UGT2B4: variants seen among roughly 807,000 people sequenced by gnomAD.
UGT2B4 encodes UDP glucuronosyltransferase family 2 member B4.
In UGT2B4, 49 loss-of-function variants were observed where a neutral mutation model predicts 49.8. That is an observed-to-expected ratio of 0.98 (90% CI 0.78 to 1.25). UGT2B4 has a LOEUF of 1.25. UGT2B4 is among the 50% of genes most tolerant of loss of function. The probability of loss-of-function intolerance (pLI) is 0.00; values close to 1 mark genes in which losing one functional copy is unlikely to be tolerated. For synonymous variants in UGT2B4, 246 were observed against 217.7 expected, an observed-to-expected ratio of 1.13 and a Z score of -1.14; for missense variants, 729 against 627.7, an observed-to-expected ratio of 1.16 and a Z score of -1.73.
At chr4:69,523,838 T>G (rs1364714389) in intron 1 of UGT2B4, among the ~76,000 whole-genome samples, 1 of 152,182 alleles carries the variant, frequency 6.6e-6, no homozygotes, top group Non-Finnish European at 1.5e-5. Flanking sequence ...TCTTCACCAA[T>G]TATCTTGGCT....
chr4:69,501,715 G>A (rs1184198851), intron 1 of UGT2B4, among the ~76,000 whole-genome samples: 1 of 152,134 alleles, frequency 6.6e-6, no homozygotes. Context: ...TTCTGGGGAA[G>A]GGGCAGGCTG....
At chr4:69,481,725 G>C (rs1026958884) in intron 5 of UGT2B4, among the ~76,000 whole-genome samples, 4 of 152,080 alleles carry the variant, frequency 2.6e-5, no homozygotes, top group African/African-American at 9.7e-5. Context: ...AGCATCATGA[G>C]CCGTTTTAAG....
chr4:69,486,422 G>T (rs1727784386), intron 4 of UGT2B4, 187 bp downstream of exon 4: 1 of 364,156 alleles, frequency 2.7e-6, no homozygotes, highest in Non-Finnish European at 4.9e-6. Flanking sequence ...TAAAGAATGT[G>T]GGTGCATATC....
At position 69,485,544 on chromosome 4, in the gene UGT2B4, G is replaced by T. The variant is rs970304518; in HGVS notation, c.1091-117C>A. 1.5e-5 allele frequency: 22 copies of T among 1,426,096 alleles called. No homozygotes were observed. In the African/African-American group the frequency reaches 3.0e-4, roughly 20 times the overall value. 88.3% of individuals were successfully genotyped at this position (1,426,096 alleles called of 1,614,324 possible). On this transcript the variant is annotated intron_variant, in intron 4 of 5. Coordinates refer to ENST00000305107, the MANE Select transcript of UGT2B4 (RefSeq NM_021139.3). ...TAACACACTGAACTGAATTAAAATT[G>T]TTTTTGAGACTTCAGAGGAAGGAAC...
Position 69,485,358 on chromosome 4 carries a change from C to T in UGT2B4, c.1160G>A (p.Gly387Glu). 1.2e-6 allele frequency: 2 copies of T among 1,613,942 alleles called. No individual in the cohort carries two copies. The change falls in exon 5 of 6, where the codon GGA (glycine) becomes GAA (glutamate). Residue 387 changes from glycine to glutamate, a missense_variant. Transcript: ENST00000305107. ...ANGIYEAIYHGIPMVGVPLFA... is the reference protein window; with the variant it reads ...ANGIYEAIYHEIPMVGVPLFA... ...CAATGGAACGCCCACCATAGGGATT[C>T]CATGGTAGATTGCCTCATAGATGCC...
chr4:69,516,856 C>T (rs978587891), intron 1 of UGT2B4, among the ~76,000 whole-genome samples: 1 of 151,404 alleles, frequency 6.6e-6, no homozygotes, highest in Non-Finnish European at 1.5e-5. Flanking sequence ...GATTTGCCCG[C>T]CTTACGCTCC....
Position 69,512,202 on chromosome 4 carries a change from T to C in UGT2B4, c.-106+13485A>G, listed in dbSNP as rs1349187809. On this transcript the variant is annotated intron_variant, in intron 1 of 1. Coordinates refer to the UGT2B4 transcript ENST00000510114. The stretch of plus-strand genomic sequence containing the variant: ...GCCAACGTTGGGCTTAGTTTGTTCT[T>C]TCTTGGCTCTTTTATGTGTAATGTT... Among the ~76,000 whole-genome samples the C allele has an allele frequency of 2.0e-5, 3 of 152,058 alleles. No individual in the cohort carries two copies. In the East Asian group the frequency reaches 5.8e-4, roughly 29 times the overall value.
intron 1 of UGT2B4, among the ~76,000 whole-genome samples, chr4:69,516,327 C>T (rs1052356858): frequency 4.6e-5 from 7 of 152,182 alleles, no homozygotes; most frequent in Admixed American, 1.3e-4. Context: ...AAATCATATG[C>T]ATTCCTTTGG....
In UGT2B4 at chr4:69,485,200, A is replaced by T. The variant is rs773668494; in HGVS notation, c.1310+8T>A. ...AAGACCACCGAGTAAAAAAAAAGTT[A>T]TACTCACAAAGGATCATTAATTACT... On this transcript the variant is annotated splice_region_variant and intron_variant, in intron 5 of 5. Transcript: ENST00000305107. 69 of 1,613,890 alleles carry T rather than the reference A, an allele frequency of 4.3e-5. No homozygotes were observed. Among genetic ancestry groups the T allele is most frequent in the East Asian group, 8.9e-5 (4 of 44,864 alleles).
chr4:69,524,135 A>G (rs918679259), intron 1 of UGT2B4, among the ~76,000 whole-genome samples: 1 of 118,454 alleles, frequency 8.4e-6, no homozygotes, highest in Non-Finnish European at 1.9e-5. Context: ...ACTTCTTGCC[A>G]TTTGTACATT....
intron 1 of UGT2B4, among the ~76,000 whole-genome samples, chr4:69,514,196 C>T (rs1306435810): frequency 6.6e-6 from 1 of 152,018 alleles, no homozygotes; most frequent in Non-Finnish European, 1.5e-5. Flanking sequence ...CCCATTAACT[C>T]GTCATTTACA....
At chr4:69,493,952 C>T in intron 1 of UGT2B4, 111 bp from the exon 2 acceptor site, 2 of 1,246,356 alleles carry the variant, frequency 1.6e-6, no homozygotes, top group Non-Finnish European at 2.2e-6. Context: ...AGTGTTTGTG[C>T]CTTGAAAAAA....
At chr4:69,481,433 T>A (rs1276051569) in intron 5 of UGT2B4, among the ~76,000 whole-genome samples, 2 of 152,224 alleles carry the variant, frequency 1.3e-5, no homozygotes, top group African/African-American at 4.8e-5. Flanking sequence ...ATTTCATAAT[T>A]GACAAATATT....
At chr4:69,523,169 G>C (rs1158661854) in intron 1 of UGT2B4, among the ~76,000 whole-genome samples, 2 of 152,034 alleles carry the variant, frequency 1.3e-5, no homozygotes, top group Non-Finnish European at 2.9e-5. Flanking sequence ...TCCTTTTAAT[G>C]TTATTTTAAC....
intron 1 of UGT2B4, among the ~76,000 whole-genome samples, chr4:69,503,805 T>C (rs72848455): frequency 0.054 from 8,155 of 152,216 alleles, 459 homozygotes; most frequent in East Asian, 0.32. Context: ...TGAGCAACCA[T>C]AGTGAGGCAG....
intron 2 of UGT2B4, 123 bp downstream of exon 2, chr4:69,493,570 T>C: frequency 1.7e-6 from 2 of 1,192,046 alleles, no homozygotes; most frequent in South Asian, 2.1e-5. Context: ...CAGTTTCTAA[T>C]TGGTATCTGC....
intron 2 of UGT2B4, among the ~76,000 whole-genome samples, chr4:69,492,064 A>C (rs1401834408): frequency 6.6e-6 from 1 of 152,124 alleles, no homozygotes; most frequent in East Asian, 1.9e-4. Context: ...TAAAGAATAT[A>C]ATGTTATATG....
At chr4:69,491,688 A>C (rs569901212) in intron 2 of UGT2B4, among the ~76,000 whole-genome samples, 1 of 152,194 alleles carries the variant, frequency 6.6e-6, no homozygotes, top group South Asian at 2.1e-4. Flanking sequence ...ACTACGACTC[A>C]ATCTTTTTCT....
chr4:69,490,288 C>T (rs1159226226), intron 2 of UGT2B4, among the ~76,000 whole-genome samples: 1 of 151,990 alleles, frequency 6.6e-6, no homozygotes, highest in Non-Finnish European at 1.5e-5. Context: ...GTTACATAGT[C>T]GAATGATTAT....
Sources: allele counts gnomAD v4.1 joint callset (sites outside exome capture counted in the v4.1 genomes callset), GRCh38; gene constraint gnomAD v4.1.1; transcripts MANE v1.5; gene names NCBI Gene and HGNC (gene_info 2026-07-23, HGNC 2026-07-21).